KCNN2: variants seen among roughly 807,000 people sequenced by gnomAD.
KCNN2 encodes potassium calcium-activated channel subfamily N member 2, also known as small conductance calcium-activated potassium channel protein 2.
KCNN2 carries 24 observed loss-of-function variants against 55.5 expected under a neutral mutation model. The ratio of observed to expected loss-of-function variants is 0.43; its 90% CI spans 0.31 to 0.61. The LOEUF is 0.61. Ranked by LOEUF, KCNN2 falls within the 20% of genes least tolerant of loss-of-function variation. KCNN2 has a pLI of 0.08. For synonymous variants in KCNN2, 431 were observed against 336.1 expected (o/e 1.28, Z -3.09); for missense variants, 754 against 853.6 (o/e 0.88, Z 1.45).
intron 1 of KCNN2, among the ~76,000 whole-genome samples, chr5:114,209,215 T>C (rs560145662): frequency 1.2e-4 from 18 of 152,074 alleles, no homozygotes; most frequent in South Asian, 6.2e-4. Context: ...CCACCACACC[T>C]GGCTAATTTT....
At chr5:114,113,756 G>T (rs1489376078) in intron 1 of KCNN2, among the ~76,000 whole-genome samples, 2 of 152,050 alleles carry the variant, frequency 1.3e-5, no homozygotes, top group Non-Finnish European at 2.9e-5. Context: ...TTTTAGTAAG[G>T]CTTGGTTGTG....
At chr5:114,476,823 G>C (rs1225466460) in intron 5 of KCNN2, among the ~76,000 whole-genome samples, 1 of 151,938 alleles carries the variant, frequency 6.6e-6, no homozygotes, top group African/African-American at 2.4e-5. Flanking sequence ...ACCCATTCCT[G>C]TATTATATAT....
At chr5:114,450,417 G>A (rs994369873) in intron 3 of KCNN2, among the ~76,000 whole-genome samples, 3 of 152,118 alleles carry the variant, frequency 2.0e-5, no homozygotes, top group Non-Finnish European at 4.4e-5. Flanking sequence ...AGGTTGCCCC[G>A]CAATGTTTAA....
intron 2 of KCNN2, among the ~76,000 whole-genome samples, chr5:114,394,834 C>A (rs1196343057): frequency 6.6e-6 from 1 of 152,116 alleles, no homozygotes; most frequent in Non-Finnish European, 1.5e-5. Context: ...TTCCATCAGG[C>A]TTTCAGTTAT....
chr5:114,348,721 C>T (rs1457409447), intron 2 of KCNN2, among the ~76,000 whole-genome samples: 1 of 152,132 alleles, frequency 6.6e-6, no homozygotes, highest in Non-Finnish European at 1.5e-5. Context: ...CTTGAATCCT[C>T]AATTATCTTA....
At chr5:114,237,100 T>C (rs548294196) in intron 2 of KCNN2, among the ~76,000 whole-genome samples, 8 of 152,272 alleles carry the variant, frequency 5.3e-5, no homozygotes, top group African/African-American at 1.7e-4. Flanking sequence ...GATATATTTC[T>C]AAGAATGGAA....
chr5:114,189,572 A>G (rs1753409451), intron 1 of KCNN2, among the ~76,000 whole-genome samples: 1 of 152,202 alleles, frequency 6.6e-6, no homozygotes, highest in Non-Finnish European at 1.5e-5. Context: ...TTAACACATA[A>G]ATACATAAAA....
At chr5:114,424,831 C>A (rs900894720) in intron 3 of KCNN2, among the ~76,000 whole-genome samples, 2 of 152,086 alleles carry the variant, frequency 1.3e-5, no homozygotes, top group African/African-American at 4.8e-5. Context: ...TAGGTACTTA[C>A]AATATACACT....
At chr5:114,331,636 T>C (rs900157578) in intron 2 of KCNN2, among the ~76,000 whole-genome samples, 1 of 152,224 alleles carries the variant, frequency 6.6e-6, no homozygotes, top group African/African-American at 2.4e-5. Flanking sequence ...TCAAGTACTT[T>C]TGAAGCACTG....
intron 1 of KCNN2, among the ~76,000 whole-genome samples, chr5:114,140,884 G>A (rs1392539040): frequency 6.6e-6 from 1 of 151,356 alleles, no homozygotes; most frequent in Non-Finnish European, 1.5e-5. Flanking sequence ...CACCTCCCGG[G>A]TTGAATCAAT....
chr5:114,269,101 CCTT>C (rs1159455412), intron 2 of KCNN2, among the ~76,000 whole-genome samples: 2 of 152,016 alleles, frequency 1.3e-5, no homozygotes, highest in African/African-American at 4.8e-5. Flanking sequence ...GGCGCCCTGT[CCTT>C]CTTAGGAGTG....
chr5:114,341,150 G>C (rs1384460981), intron 2 of KCNN2, among the ~76,000 whole-genome samples: 9 of 152,026 alleles, frequency 5.9e-5, no homozygotes, highest in African/African-American at 1.9e-4. Flanking sequence ...TCATAAAGCT[G>C]GAAAAATATT....
chr5:114,486,780 A>G, intron 5 of KCNN2: 1 of 1,338,074 alleles, frequency 7.5e-7, no homozygotes, highest in Non-Finnish European at 9.8e-7. Flanking sequence ...AAATAGTTGA[A>G]TAAAAAAGAA....
intron 2 of KCNN2, among the ~76,000 whole-genome samples, chr5:114,343,207 A>G (rs756983572): frequency 1.3e-5 from 2 of 152,172 alleles, no homozygotes; most frequent in Non-Finnish European, 2.9e-5. Flanking sequence ...AGGCTTGCTA[A>G]TGAATAGCCA....
At chr5:114,206,312 T>A (rs1753766566) in intron 1 of KCNN2, among the ~76,000 whole-genome samples, 1 of 152,314 alleles carries the variant, frequency 6.6e-6, no homozygotes, top group Middle Eastern at 3.4e-3. Flanking sequence ...CTTCTTCTTC[T>A]GGGATTACCT....
At chr5:114,092,601 C>T (rs1751167591) in intron 1 of KCNN2, among the ~76,000 whole-genome samples, 3 of 152,216 alleles carry the variant, frequency 2.0e-5, no homozygotes, top group Non-Finnish European at 4.4e-5. Context: ...AGAGTTTCTC[C>T]ATGAGGGCTC....
At chr5:114,358,296 C>T (rs79494314), upstream of KCNN2, among the ~76,000 whole-genome samples, 717 of 152,008 alleles carry the variant, frequency 4.7e-3, 3 homozygotes, top group Middle Eastern at 0.01. Flanking sequence ...AAAAAGTGGG[C>T]GAAGGAGATG....
intron 2 of KCNN2, among the ~76,000 whole-genome samples, chr5:114,244,385 C>G (rs1754709031): frequency 6.6e-6 from 1 of 151,872 alleles, no homozygotes; most frequent in African/African-American, 2.4e-5. Context: ...CACCTGAGGT[C>G]AGGAGTTCAA....
chr5:114,286,131 A>G (rs529611940), intron 2 of KCNN2, among the ~76,000 whole-genome samples: 5 of 152,256 alleles, frequency 3.3e-5, no homozygotes, highest in African/African-American at 9.6e-5. Flanking sequence ...ATACAAAAGT[A>G]TAAAATAAAA....
Sources: gnomAD v4.1 joint callset for allele counts (sites outside exome capture counted in the v4.1 genomes callset) on GRCh38, gnomAD v4.1.1 for gene constraint, MANE v1.5 for transcripts, NCBI Gene and HGNC (gene_info 2026-07-23, HGNC 2026-07-21) for gene names.